The following ARNT2 variants were observed in gnomAD, a reference collection of about 807,000 sequenced individuals.
The protein encoded by ARNT2 is ARNT protein 2.
Under a neutral mutation model 91.7 loss-of-function variants are expected in ARNT2, and 36 were observed. The ratio of observed to expected loss-of-function variants is 0.39; its 90% CI spans 0.30 to 0.52. ARNT2 has a LOEUF of 0.52. Ranked by LOEUF, ARNT2 falls within the 20% of genes least tolerant of loss-of-function variation. ARNT2 has a pLI of 0.72. For missense variants in ARNT2, 775 were observed against 939.3 expected (o/e 0.83, Z 2.29); for synonymous variants, 365 against 347.1 (o/e 1.05, Z -0.57).
intron 10 of ARNT2, among the ~76,000 whole-genome samples, chr15:80,553,871 C>A (rs184799192): frequency 4.5e-4 from 69 of 152,268 alleles, no homozygotes; most frequent in African/African-American, 1.6e-3. Context: ...AATTCTGCAT[C>A]TCTAGATTCA....
At chr15:80,421,519 G>A (rs1018147917) in intron 1 of ARNT2, among the ~76,000 whole-genome samples, 1 of 152,042 alleles carries the variant, frequency 6.6e-6, no homozygotes, top group African/African-American at 2.4e-5. Context: ...GTACTTAATG[G>A]TACAAAGAAA....
intron 3 of ARNT2, among the ~76,000 whole-genome samples, chr15:80,461,456 A>G (rs888987933): frequency 3.3e-5 from 5 of 152,212 alleles, no homozygotes; most frequent in Non-Finnish European, 7.3e-5. Flanking sequence ...GGGAAGTAGC[A>G]ATGCGGTCAA....
chr15:80,462,710 T>G (rs1163113386), intron 3 of ARNT2, among the ~76,000 whole-genome samples: 1 of 152,226 alleles, frequency 6.6e-6, no homozygotes. Flanking sequence ...TGGCTGCAAG[T>G]GACCCCATTG....
intron 1 of ARNT2, among the ~76,000 whole-genome samples, chr15:80,405,150 G>A (rs1278529714): frequency 1.3e-5 from 2 of 152,214 alleles, no homozygotes; most frequent in Admixed American, 1.3e-4. Context: ...GACATCCTCT[G>A]CTTTCTGGTC....
chr15:80,505,144 A>G (rs1397231468), intron 5 of ARNT2, among the ~76,000 whole-genome samples: 2 of 152,224 alleles, frequency 1.3e-5, no homozygotes, highest in Admixed American at 1.3e-4. Flanking sequence ...TATCACAATA[A>G]TCCTGAAAGC....
At chr15:80,456,341 T>G (rs1026817033) in intron 2 of ARNT2, among the ~76,000 whole-genome samples, 4 of 152,110 alleles carry the variant, frequency 2.6e-5, no homozygotes, top group African/African-American at 9.7e-5. Flanking sequence ...GGTATTTCTG[T>G]TATCATTACT....
At position 80,591,833 on chromosome 15, in the gene ARNT2, GGGAGTCCA is replaced by G. The variant is rs953785442; in HGVS notation, c.2055+135_2055+142del. On this transcript the variant is annotated intron_variant, in intron 18 of 18. Transcript: ENST00000303329. This position sits in a 1 kb window ranked among gnomAD's most constrained non-coding sequence, Gnocchi z 5.1. ...GAGTTCTGGCCCAGCCTGGGCTCGAGGGAGTCCAGGAGTAGAAAGCCCCATCCTACCCA... is the reference window on the plus strand; with the variant it reads ...GAGTTCTGGCCCAGCCTGGGCTCGAGGGAGTAGAAAGCCCCATCCTACCCA... 57 of 1,415,656 alleles carry G rather than the reference GGGAGTCCA, an allele frequency of 4.0e-5. No homozygotes were observed. The African/African-American group carries it at 7.8e-4, about 19-fold the overall frequency. 87.7% of individuals were successfully genotyped at this position (1,415,656 alleles called of 1,614,324 possible).
intron 2 of ARNT2, among the ~76,000 whole-genome samples, chr15:80,454,463 T>C (rs1028774089): frequency 7.9e-5 from 12 of 152,260 alleles, no homozygotes; most frequent in African/African-American, 2.9e-4. Context: ...GCCAATGGAC[T>C]ATTTTCAAGT....
At chr15:80,582,456 A>ACT (rs1483243347) in intron 17 of ARNT2, among the ~76,000 whole-genome samples, 1 of 151,986 alleles carries the variant, frequency 6.6e-6, no homozygotes, top group East Asian at 1.9e-4. Context: ...TGATCACACC[A>ACT]CTGCACTCCA....
chr15:80,440,378 G>C (rs1248493086), intron 1 of ARNT2, among the ~76,000 whole-genome samples: 1 of 152,118 alleles, frequency 6.6e-6, no homozygotes, highest in Non-Finnish European at 1.5e-5. Flanking sequence ...TCTTCCATTG[G>C]AATTACTGGT....
intron 1 of ARNT2, among the ~76,000 whole-genome samples, chr15:80,449,361 CAA>C (rs1896353742): frequency 6.6e-6 from 1 of 152,112 alleles, no homozygotes; most frequent in Non-Finnish European, 1.5e-5. Context: ...ATAATGGACT[CAA>C]TGTGTTTTAG....
chr15:80,404,461 C>A lies in ARNT2; in HGVS notation c.-55C>A. 1 of 1,169,552 alleles carries A rather than the reference C, an allele frequency of 8.6e-7. No homozygotes were observed. Among genetic ancestry groups the A allele is most frequent in the South Asian group, 1.8e-5 (1 of 56,166 alleles). The allele number at this position is 1,169,552 out of a possible 1,614,324, so 72.4% of individuals were successfully genotyped here. A position where few individuals can be genotyped will look rare whatever the true frequency, so the allele number is the denominator to read the frequency against. On this transcript the variant is annotated 5_prime_UTR_variant, in exon 1 of 19. Coordinates refer to ENST00000303329, the MANE Select transcript of ARNT2 (RefSeq NM_014862.4). The surrounding 1 kb of genome is among the most constrained non-coding windows in gnomAD (Gnocchi z 5.5). ...GGTCCCCGGGGCTGAGCGCCGGGCT[C>A]CGCGCCGCCCCTCCCGCGCCCCTGC...
chr15:80,432,653 G>A (rs1896027683), intron 1 of ARNT2, among the ~76,000 whole-genome samples: 1 of 151,966 alleles, frequency 6.6e-6, no homozygotes, highest in East Asian at 1.9e-4. Context: ...TGTGGCTTAG[G>A]TGGTGCAGGT....
rs535361209 is a variant in ARNT2, at chr15:80,583,872, TC to T, written c.1918+2471del. ...CTCAGAATTAAGCAGGAATTGGATG[TC>T]CCAGCAGATGGCCCTTGATGTACAT... On this transcript the variant is annotated intron_variant, in intron 17 of 18. Transcript: ENST00000303329. Among the ~76,000 whole-genome samples, 200 of 152,300 alleles carry T rather than the reference TC, an allele frequency of 1.3e-3. 1 individual carries two copies. Among genetic ancestry groups the T allele is most frequent in the African/African-American group, 4.6e-3 (193 of 41,570 alleles).
chr15:80,420,025 C>T (rs1227111281), intron 1 of ARNT2, among the ~76,000 whole-genome samples: 1 of 152,248 alleles, frequency 6.6e-6, no homozygotes, highest in South Asian at 2.1e-4. Flanking sequence ...ACAGCACCCG[C>T]ACCTCCCTAT....
intron 8 of ARNT2, among the ~76,000 whole-genome samples, chr15:80,515,023 A>G (rs1478631945): frequency 6.6e-6 from 1 of 152,208 alleles, no homozygotes. Context: ...TGAAATGATG[A>G]GTGTATCTAA....
chr15:80,509,943 T>A (rs1363437280), intron 6 of ARNT2, among the ~76,000 whole-genome samples: 1 of 152,200 alleles, frequency 6.6e-6, no homozygotes, highest in Non-Finnish European at 1.5e-5. Flanking sequence ...CTTCAGCTTT[T>A]ACTCTGCATG....
At chr15:80,426,946 A>G (rs749147546) in intron 1 of ARNT2, among the ~76,000 whole-genome samples, 9 of 152,118 alleles carry the variant, frequency 5.9e-5, no homozygotes, top group African/African-American at 2.2e-4. Flanking sequence ...GCTGTCTGGT[A>G]TGTCTTCTTT....
chr15:80,542,455 T>C (rs1897923554), intron 8 of ARNT2, among the ~76,000 whole-genome samples: 1 of 152,192 alleles, frequency 6.6e-6, no homozygotes, highest in African/African-American at 2.4e-5. Context: ...ATAGATTTTG[T>C]GCATTAGGAA....
Sources: gnomAD v4.1 joint callset for allele counts (sites outside exome capture counted in the v4.1 genomes callset) on GRCh38, gnomAD v4.1.1 for gene constraint, Gnocchi (gnomAD v3.1) non-coding constraint, MANE v1.5 for transcripts, NCBI Gene and HGNC (gene_info 2026-07-23, HGNC 2026-07-21) for gene names.